ADAMTSL1: variants seen among roughly 807,000 people sequenced by gnomAD.
The protein encoded by ADAMTSL1 is ADAMTS like 1.
A neutral mutation model predicts 201.8 loss-of-function variants in ADAMTSL1; 126 were observed. The observed-to-expected ratio is 0.62, with a 90% CI of 0.54 to 0.72. ADAMTSL1 has a LOEUF of 0.72. Ranked by LOEUF, ADAMTSL1 falls within the 30% of genes least tolerant of loss-of-function variation. The probability of loss-of-function intolerance (pLI) is 0.00; values close to 1 mark genes in which losing one functional copy is unlikely to be tolerated. For synonymous variants in ADAMTSL1, 1,121 were observed against 903.4 expected, an observed-to-expected ratio of 1.24 and a Z score of -4.32; for missense variants, 2,679 against 2,277.8, an observed-to-expected ratio of 1.18 and a Z score of -3.59.
chr9:17,928,680 A>T (rs1444325308), intron 1 of ADAMTSL1, among the ~76,000 whole-genome samples: 1 of 152,102 alleles, frequency 6.6e-6, no homozygotes, highest in East Asian at 1.9e-4. Flanking sequence ...GAGGCTGAGG[A>T]GGGAGGATTG....
chr9:18,688,420 A>G (rs1483957655), intron 13 of ADAMTSL1, among the ~76,000 whole-genome samples: 2 of 150,596 alleles, frequency 1.3e-5, no homozygotes, highest in Non-Finnish European at 3.0e-5. Context: ...GAGCCACCAC[A>G]CCCAGCCGAA....
chr9:18,738,295 A>G (rs1300371134), intron 15 of ADAMTSL1, among the ~76,000 whole-genome samples: 1 of 152,202 alleles, frequency 6.6e-6, no homozygotes, highest in Admixed American at 6.5e-5. Context: ...ATGATAATGC[A>G]GTTACCCCAG....
intron 2 of ADAMTSL1, among the ~76,000 whole-genome samples, chr9:18,277,319 A>G (rs1036568406): frequency 6.6e-6 from 1 of 152,134 alleles, no homozygotes; most frequent in Non-Finnish European, 1.5e-5. Context: ...TGGATGATCT[A>G]TCCATTATTT....
intron 23 of ADAMTSL1, among the ~76,000 whole-genome samples, chr9:18,839,560 G>A (rs879743203): frequency 2.6e-5 from 4 of 152,156 alleles, no homozygotes; most frequent in Non-Finnish European, 4.4e-5. Context: ...GTAATGGGAT[G>A]GCTGGGTCAA....
intron 16 of ADAMTSL1, among the ~76,000 whole-genome samples, chr9:18,756,610 G>A (rs573171887): frequency 6.9e-4 from 105 of 152,272 alleles, no homozygotes; most frequent in African/African-American, 2.5e-3. Context: ...AAGGGAACTT[G>A]GTGTACACTC....
intron 1 of ADAMTSL1, among the ~76,000 whole-genome samples, chr9:18,138,304 A>G (rs143932106): frequency 2.0e-4 from 31 of 152,270 alleles, no homozygotes; most frequent in African/African-American, 6.0e-4. Flanking sequence ...TTTAAACCAG[A>G]TATACATACA....
chr9:18,583,078 C>T (rs113016458), intron 4 of ADAMTSL1, among the ~76,000 whole-genome samples: 2,528 of 152,056 alleles, frequency 0.017, 81 homozygotes, highest in African/African-American at 0.056. Context: ...TTATAAGCAG[C>T]GTGAAAATGG....
intron 2 of ADAMTSL1, among the ~76,000 whole-genome samples, chr9:18,167,122 G>A (rs1587205588): frequency 6.6e-6 from 1 of 152,070 alleles, no homozygotes; most frequent in Admixed American, 6.6e-5. Flanking sequence ...GAAATAAGAT[G>A]TTTGTCAAAC....
intron 4 of ADAMTSL1, among the ~76,000 whole-genome samples, chr9:18,605,154 A>T (rs1337743238): frequency 1.3e-5 from 2 of 152,124 alleles, no homozygotes; most frequent in Non-Finnish European, 2.9e-5. Context: ...ATAACCATGA[A>T]AATAGTGAGA....
At chr9:18,226,750 G>T (rs1376651671) in intron 2 of ADAMTSL1, among the ~76,000 whole-genome samples, 3 of 152,078 alleles carry the variant, frequency 2.0e-5, no homozygotes, top group African/African-American at 4.8e-5. Flanking sequence ...AGATTTGAAA[G>T]GACAGTGCCT....
At chr9:18,324,603 AAAAATAC>A (rs1480043644) in intron 2 of ADAMTSL1, among the ~76,000 whole-genome samples, 1 of 152,056 alleles carries the variant, frequency 6.6e-6, no homozygotes, top group African/African-American at 2.4e-5. Flanking sequence ...CGTCTCTACT[AAAAATAC>A]AAAATTAGCC....
intron 5 of ADAMTSL1, among the ~76,000 whole-genome samples, chr9:18,628,897 G>A (rs1240733250): frequency 6.6e-6 from 1 of 152,130 alleles, no homozygotes; most frequent in Non-Finnish European, 1.5e-5. Context: ...ATGTTGCCCA[G>A]ACTGAAGTGC....
chr9:18,628,661 G>A (rs1465450367), intron 5 of ADAMTSL1, among the ~76,000 whole-genome samples: 1 of 152,048 alleles, frequency 6.6e-6, no homozygotes, highest in Non-Finnish European at 1.5e-5. Context: ...TGATTTGGAG[G>A]GGGTAGGAAT....
At position 18,366,627 on chromosome 9, in the gene ADAMTSL1, A is replaced by ATTTTTTTTTTTTTTTTTTTTTTTT. The variant is rs772034324; in HGVS notation, c.208-138185_208-138162dup. On this transcript the variant is annotated intron_variant, in intron 2 of 29. Transcript: ENST00000680146. Reference sequence around the variant, plus strand: ...ATGGATAGTGCCTCTGAAATCACTAATTTTTTTTTTTTTTTTTTTTTTTTT... The same window carrying ATTTTTTTTTTTTTTTTTTTTTTTT: ...ATGGATAGTGCCTCTGAAATCACTAATTTTTTTTTTTTTTTTTTTTTTTTTTTTTTTTTTTTTTTTTTTTTTTTT... Among the ~76,000 whole-genome samples, 2 of 112,800 alleles carry ATTTTTTTTTTTTTTTTTTTTTTTT rather than the reference A, an allele frequency of 1.8e-5. 1 individual carries two copies. The highest frequency in any genetic ancestry group is 6.9e-5 in the African/African-American group (2 of 29,026). The allele number at this position is 112,800 out of a possible 152,430, so 74.0% of individuals were successfully genotyped here. A position where few individuals can be genotyped will look rare whatever the true frequency, so the allele number is the denominator to read the frequency against.
intron 2 of ADAMTSL1, among the ~76,000 whole-genome samples, chr9:18,416,454 C>T (rs1818680005): frequency 6.6e-6 from 1 of 151,910 alleles, no homozygotes; most frequent in Admixed American, 6.6e-5. Flanking sequence ...AAAGTCTAAA[C>T]ATCCAATTGA....
intron 17 of ADAMTSL1, among the ~76,000 whole-genome samples, chr9:18,772,776 T>C (rs1820768192): frequency 6.6e-6 from 1 of 152,198 alleles, no homozygotes; most frequent in East Asian, 1.9e-4. Context: ...GCACTCACCA[T>C]GGCTGGCTGG....
intron 2 of ADAMTSL1, among the ~76,000 whole-genome samples, chr9:18,465,594 C>G (rs1005755324): frequency 6.6e-6 from 1 of 152,148 alleles, no homozygotes; most frequent in Non-Finnish European, 1.5e-5. Flanking sequence ...CACTGAATGT[C>G]CTTAGTGAGA....
At chr9:18,592,320 T>C (rs1255656351) in intron 4 of ADAMTSL1, among the ~76,000 whole-genome samples, 3 of 152,160 alleles carry the variant, frequency 2.0e-5, no homozygotes, top group Non-Finnish European at 4.4e-5. Flanking sequence ...TGGTTCCTTG[T>C]TGTCGCACAG....
chr9:18,341,315 TG>T (rs1835456034), intron 2 of ADAMTSL1, among the ~76,000 whole-genome samples: 1 of 152,156 alleles, frequency 6.6e-6, no homozygotes, highest in Non-Finnish European at 1.5e-5. Flanking sequence ...CTGTTTCTTT[TG>T]TCTGGGCTTT....
Sources: gnomAD v4.1 joint callset for allele counts (sites outside exome capture counted in the v4.1 genomes callset) on GRCh38, gnomAD v4.1.1 for gene constraint, MANE v1.5 for transcripts, NCBI Gene and HGNC (gene_info 2026-07-23, HGNC 2026-07-21) for gene names.